Variants in GPR158 observed in about 807,000 individuals in gnomAD.
GPR158 encodes the protein G protein-coupled receptor 158.
A neutral mutation model predicts 78.2 loss-of-function variants in GPR158; 30 were observed. The ratio of observed to expected loss-of-function variants is 0.38; its 90% CI spans 0.29 to 0.52. The LOEUF is 0.52. Ranked by LOEUF, GPR158 falls within the 20% of genes least tolerant of loss-of-function variation. The pLI is 0.83. For synonymous variants in GPR158, 581 were observed against 591.1 expected (o/e 0.98, Z 0.25); for missense variants, 1,463 against 1,523.5 (o/e 0.96, Z 0.66).
At chr10:25,432,456 A>C (rs923038819) in intron 4 of GPR158, among the ~76,000 whole-genome samples, 1 of 152,220 alleles carries the variant, frequency 6.6e-6, no homozygotes, top group African/African-American at 2.4e-5. Context: ...ATATGTGCAC[A>C]AAGATTTACA....
At chr10:25,267,515 G>C (rs1489901649) in intron 2 of GPR158, among the ~76,000 whole-genome samples, 1 of 152,106 alleles carries the variant, frequency 6.6e-6, no homozygotes, top group Non-Finnish European at 1.5e-5. Flanking sequence ...GATTTGGGTG[G>C]GGACACAGTG....
At chr10:25,371,064 C>T (rs1436323551) in intron 2 of GPR158, among the ~76,000 whole-genome samples, 2 of 148,280 alleles carry the variant, frequency 1.3e-5, no homozygotes, top group Non-Finnish European at 1.5e-5. Flanking sequence ...ATGTGTGTCT[C>T]TGCATGTGAG....
intron 2 of GPR158, among the ~76,000 whole-genome samples, chr10:25,350,796 C>T (rs913809385): frequency 6.6e-6 from 1 of 151,934 alleles, no homozygotes; most frequent in Non-Finnish European, 1.5e-5. Flanking sequence ...GATTCATCTG[C>T]CTTTCTTTCC....
intron 2 of GPR158, among the ~76,000 whole-genome samples, chr10:25,290,221 A>C (rs553372511): frequency 6.6e-6 from 1 of 152,372 alleles, no homozygotes; most frequent in South Asian, 2.1e-4. Flanking sequence ...AAGACATTTC[A>C]TAACATTGGC....
chr10:25,245,420 T>C (rs1853675976), intron 2 of GPR158, among the ~76,000 whole-genome samples: 1 of 149,202 alleles, frequency 6.7e-6, no homozygotes, highest in Non-Finnish European at 1.5e-5. Flanking sequence ...AAGAAAGGAT[T>C]AAAAAAAAAA....
chr10:25,544,330 G>A (rs557526596), intron 5 of GPR158, among the ~76,000 whole-genome samples: 1 of 151,674 alleles, frequency 6.6e-6, no homozygotes, highest in East Asian at 1.9e-4. Flanking sequence ...TATGCCTTAG[G>A]CAGTTCTTCC....
intron 5 of GPR158, among the ~76,000 whole-genome samples, chr10:25,475,179 T>C (rs565585720): frequency 6.6e-6 from 1 of 152,228 alleles, no homozygotes; most frequent in East Asian, 1.9e-4. Flanking sequence ...GATTGACCTG[T>C]ACTTATGGTG....
chr10:25,414,683 C>T (rs549394185), intron 4 of GPR158, among the ~76,000 whole-genome samples: 1 of 152,188 alleles, frequency 6.6e-6, no homozygotes, highest in South Asian at 2.1e-4. Flanking sequence ...TGTGTCTTTG[C>T]AACATTTCTT....
intron 2 of GPR158, among the ~76,000 whole-genome samples, chr10:25,272,549 A>G (rs1268611831): frequency 2.0e-5 from 3 of 152,204 alleles, no homozygotes; most frequent in Admixed American, 1.3e-4. Context: ...ATAAATATAG[A>G]CAGAAAGACA....
intron 2 of GPR158, among the ~76,000 whole-genome samples, chr10:25,300,472 A>G (rs890827029): frequency 1.3e-5 from 2 of 152,194 alleles, no homozygotes; most frequent in African/African-American, 2.4e-5. Flanking sequence ...TTCCATCTGC[A>G]GCCTAATTCT....
Position 25,530,869 on chromosome 10 carries a change from A to T in GPR158, c.1405-20107A>T, listed in dbSNP as rs370272901. 3.3e-5 allele frequency among the ~76,000 whole-genome samples: 5 copies of T among 152,218 alleles called. No homozygotes were observed. In the East Asian group the frequency reaches 5.8e-4, roughly 18 times the overall value. The stretch of plus-strand genomic sequence containing the variant: ...GTGTCAGCTCTCTGGTCTGCTGGAG[A>T]TGGCCTCACTGGGATCTCTCCATCC... On this transcript the variant is annotated intron_variant, in intron 5 of 10. Coordinates refer to ENST00000376351, the MANE Select transcript of GPR158 (RefSeq NM_020752.3).
chr10:25,223,878 T>G (rs1455726684), intron 2 of GPR158, among the ~76,000 whole-genome samples: 2 of 152,210 alleles, frequency 1.3e-5, no homozygotes, highest in Admixed American at 6.5e-5. Context: ...AGTTACAAAT[T>G]TCAAAGTTAT....
chr10:25,193,712 T>G (rs1852806295), intron 1 of GPR158, among the ~76,000 whole-genome samples: 1 of 152,200 alleles, frequency 6.6e-6, no homozygotes, highest in Non-Finnish European at 1.5e-5. Flanking sequence ...ACTTTGTCTC[T>G]TTCTTTTTCC....
chr10:25,598,412 C>G lies in GPR158; in HGVS notation c.2786C>G (p.Thr929Ser), dbSNP rs1323222038. ...CAAACAGCAGGTGTGGAAGAACGCA[C>G]TAAATCCCAGAAACCTTTGCCAAAA... ...KTQTAGVEERTKSQKPLPKDK... is the reference protein window; with the variant it reads ...KTQTAGVEERSKSQKPLPKDK... The change falls in exon 11 of 11, where the codon ACT becomes AGT. Residue 929 changes from threonine (T) to serine (S), a missense_variant. Coordinates refer to ENST00000376351, the MANE Select transcript of GPR158 (RefSeq NM_020752.3). 2.5e-6 allele frequency: 4 copies of G among 1,614,098 alleles called. No individual in the cohort carries two copies. The highest frequency in any genetic ancestry group is 1.1e-5 in the South Asian group (1 of 91,080).
chr10:25,262,022 T>C (rs1417669623), intron 2 of GPR158, among the ~76,000 whole-genome samples: 1 of 152,138 alleles, frequency 6.6e-6, no homozygotes, highest in Non-Finnish European at 1.5e-5. Flanking sequence ...TAATGACTTA[T>C]CTCTTGCAAG....
intron 5 of GPR158, among the ~76,000 whole-genome samples, chr10:25,473,670 G>T (rs891042959): frequency 4.6e-5 from 7 of 151,906 alleles, no homozygotes; most frequent in African/African-American, 1.7e-4. Flanking sequence ...ACTTCTTTCT[G>T]GTTTAGTCTC....
rs568296952 is a variant in GPR158, at chr10:25,285,291, A to ATATG, written c.1008+64152_1008+64155dup. Among the ~76,000 whole-genome samples the ATATG allele has an allele frequency of 7.0e-3, 1,060 of 151,918 alleles. 8 individuals are homozygous for ATATG. Among genetic ancestry groups the ATATG allele is most frequent in the African/African-American group, 0.024 (1,003 of 41,378 alleles). On this transcript the variant is annotated intron_variant, in intron 2 of 10. Coordinates refer to ENST00000376351, the MANE Select transcript of GPR158 (RefSeq NM_020752.3). Reference sequence around the variant, plus strand: ...TCTACACACACACACGTATGCATTGATATGTATGTATGTATGTATGTGTCT... The same window carrying ATATG: ...TCTACACACACACACGTATGCATTGATATGTATGTATGTATGTATGTATGTGTCT...
intron 1 of GPR158, among the ~76,000 whole-genome samples, chr10:25,193,357 T>A (rs1371286419): frequency 2.0e-5 from 3 of 152,200 alleles, no homozygotes; most frequent in Admixed American, 6.5e-5. Flanking sequence ...GAGGTGACTC[T>A]GAGCTGAGGA....
At chr10:25,544,885 G>A (rs1192184544) in intron 5 of GPR158, among the ~76,000 whole-genome samples, 6 of 152,028 alleles carry the variant, frequency 3.9e-5, no homozygotes, top group Non-Finnish European at 1.5e-5. Flanking sequence ...AGGCCCTGGT[G>A]TATGATACTC....
Sources: allele counts gnomAD v4.1 joint callset (sites outside exome capture counted in the v4.1 genomes callset), GRCh38; gene constraint gnomAD v4.1.1; transcripts MANE v1.5; gene names NCBI Gene and HGNC (gene_info 2026-07-23, HGNC 2026-07-21).